Variants in KLHL3 observed in about 807,000 individuals in gnomAD.
The protein encoded by KLHL3 is kelch-like protein 3.
A neutral mutation model predicts 70.5 loss-of-function variants in KLHL3; 19 were observed. That is an observed-to-expected ratio of 0.27 (90% CI 0.19 to 0.40). KLHL3 has a LOEUF of 0.40. Among genes scored for constraint, KLHL3 ranks in the 10% least tolerant of loss-of-function variants. The pLI, the probability that KLHL3 is intolerant of heterozygous loss-of-function variation, is 1.00. For synonymous variants in KLHL3, 258 were observed against 290.3 expected, an observed-to-expected ratio of 0.89 and a Z score of 1.13; for missense variants, 512 against 771.1, an observed-to-expected ratio of 0.66 and a Z score of 3.98.
chr5:137,663,337 G>A (rs544075704), intron 6 of KLHL3, among the ~76,000 whole-genome samples: 17 of 151,826 alleles, frequency 1.1e-4, no homozygotes, highest in East Asian at 1.9e-4. Context: ...GATTACAAGC[G>A]TGAGCCACCA....
At chr5:137,652,881 C>T (rs548625743) in intron 8 of KLHL3, among the ~76,000 whole-genome samples, 1 of 152,026 alleles carries the variant, frequency 6.6e-6, no homozygotes, top group African/African-American at 2.4e-5. Context: ...TTAGCCATTC[C>T]ACAATGTATC....
Position 137,736,075 on chromosome 5 carries a change from T to C in KLHL3, c.-429A>G. 2 of 306,414 alleles carry C rather than the reference T, an allele frequency of 6.5e-6. No individual in the cohort carries two copies. Among genetic ancestry groups the C allele is most frequent in the Non-Finnish European group, 1.3e-5 (2 of 154,172 alleles). The allele number at this position is 306,414 out of a possible 1,614,324, so 19.0% of individuals were successfully genotyped here. A position where few individuals can be genotyped will look rare whatever the true frequency, so the allele number is the denominator to read the frequency against. On this transcript the variant is annotated 5_prime_UTR_variant, in exon 1 of 15. Coordinates refer to ENST00000309755, the MANE Select transcript of KLHL3 (RefSeq NM_017415.3). ...CCCTGGGGCTCCTGCCTCCTCTGTC[T>C]AGGCTGCAAAGAATCAGGCAGTTCG... is the stretch of plus-strand genomic sequence containing the variant.
At chr5:137,665,466 G>A (rs963959884) in intron 6 of KLHL3, among the ~76,000 whole-genome samples, 1 of 152,146 alleles carries the variant, frequency 6.6e-6, no homozygotes. Context: ...GCAATTTACT[G>A]TCAAATGATT....
At chr5:137,628,230 G>C (rs767002783) in intron 13 of KLHL3, 67 bp downstream of exon 13, 1 of 1,572,606 alleles carries the variant, frequency 6.4e-7, no homozygotes, top group Non-Finnish European at 8.7e-7. Flanking sequence ...CTGCTGTTTA[G>C]AGCCAGTGTC....
rs777609423 is a variant in KLHL3 at position 137,628,385 on chromosome 5, A to G, written c.1503T>C (p.Pro501=). 2 of 1,614,136 alleles carry G rather than the reference A, an allele frequency of 1.2e-6. No individual in the cohort carries two copies. Among genetic ancestry groups the G allele is most frequent in the East Asian group, 2.2e-5 (1 of 44,876 alleles). The part of the protein sequence containing the change: ...QLYATGGHDG[P]LVRKSVEVYD... ...AAACCTCAACGCTCTTCCTCACCAA[A>G]GGCCCATCATGCCCACCTGTGGCGT... Residue 501 remains proline, a synonymous_variant, in exon 13 of 15, where the codon CCT becomes CCC. Transcript: ENST00000309755.
intron 6 of KLHL3, among the ~76,000 whole-genome samples, chr5:137,669,096 G>T (rs1271529268): frequency 6.6e-6 from 1 of 152,080 alleles, no homozygotes; most frequent in African/African-American, 2.4e-5. Context: ...AAAGGAGAAA[G>T]TAAGGCAGAG....
At chr5:137,648,783 G>A (rs977628408) in intron 8 of KLHL3, among the ~76,000 whole-genome samples, 6 of 152,172 alleles carry the variant, frequency 3.9e-5, no homozygotes, top group African/African-American at 1.4e-4. Context: ...TGAATATAGT[G>A]CAGGTCTCTC....
intron 1 of KLHL3, among the ~76,000 whole-genome samples, chr5:137,731,714 T>C (rs1025301220): frequency 2.0e-4 from 31 of 152,250 alleles, no homozygotes; most frequent in African/African-American, 6.5e-4. Context: ...ATCTCTGTGC[T>C]TCTGATGAAG....
rs1751009081 is a variant in KLHL3 at position 137,645,029 on chromosome 5, G to A, written c.904-5052C>T. 2.6e-5 allele frequency among the ~76,000 whole-genome samples: 4 copies of A among 152,034 alleles called. No individual in the cohort carries two copies. The South Asian group carries it at 6.2e-4, about 24-fold the overall frequency. On this transcript the variant is annotated intron_variant, in intron 8 of 14. Coordinates refer to ENST00000309755, the MANE Select transcript of KLHL3 (RefSeq NM_017415.3). ...CAATATAACACAAATCAATAAAAAC[G>A]ATACGTCACATTAACAGAATCAAAG... is the stretch of plus-strand genomic sequence containing the variant.
intron 1 of KLHL3, among the ~76,000 whole-genome samples, chr5:137,732,430 G>C (rs1753193822): frequency 6.6e-6 from 1 of 150,632 alleles, no homozygotes; most frequent in African/African-American, 2.4e-5. Context: ...TCCAGCCCAT[G>C]GTTCCAACCA....
chr5:137,627,488 C>CCCCCCCCCG (rs58918247), intron 13 of KLHL3, among the ~76,000 whole-genome samples: 1 of 92,352 alleles, frequency 1.1e-5, no homozygotes, highest in Non-Finnish European at 2.2e-5. Context: ...CCCCCCCCCC[C>CCCCCCCCCG]GGTTTACACT....
At chr5:137,624,103 T>G (rs1438467654) in intron 14 of KLHL3, among the ~76,000 whole-genome samples, 1 of 152,270 alleles carries the variant, frequency 6.6e-6, no homozygotes, top group Admixed American at 6.5e-5. Context: ...ATTTCCCTCA[T>G]GTCAGACATT....
chr5:137,627,740 A>T (rs1750513280), intron 13 of KLHL3, among the ~76,000 whole-genome samples: 1 of 152,186 alleles, frequency 6.6e-6, no homozygotes, highest in Non-Finnish European at 1.5e-5. Flanking sequence ...AATACACTAC[A>T]GTAAATCTTT....
In KLHL3 at chr5:137,622,059, C is replaced by T. The variant is rs762735618; in HGVS notation, c.*39G>A. The T allele has an allele frequency of 7.6e-5, 123 of 1,612,808 alleles. 1 individual carries two copies. In the South Asian group the frequency reaches 1.3e-3, roughly 16 times the overall value. On this transcript the variant is annotated 3_prime_UTR_variant, in exon 15 of 15. Coordinates refer to ENST00000309755, the MANE Select transcript of KLHL3 (RefSeq NM_017415.3). Reference sequence around the variant, plus strand: ...CTGCTGTTCAGAGTCACAGGCAGCACCTGCTCCTTCCTCCACCTCCTGGCA... The same window carrying T: ...CTGCTGTTCAGAGTCACAGGCAGCATCTGCTCCTTCCTCCACCTCCTGGCA...
chr5:137,696,714 C>T (rs1028288721), intron 4 of KLHL3, among the ~76,000 whole-genome samples: 2 of 152,150 alleles, frequency 1.3e-5, no homozygotes, highest in African/African-American at 4.8e-5. Flanking sequence ...ACCACTTACT[C>T]TCTATGTGAC....
chr5:137,719,332 T>C (rs531005343), intron 2 of KLHL3, among the ~76,000 whole-genome samples: 5 of 152,360 alleles, frequency 3.3e-5, no homozygotes, highest in Middle Eastern at 3.4e-3. Context: ...GGTGAATCAA[T>C]AGAAGCTCCT....
At chr5:137,671,266 T>A (rs1751752309) in intron 6 of KLHL3, among the ~76,000 whole-genome samples, 1 of 152,124 alleles carries the variant, frequency 6.6e-6, no homozygotes, top group African/African-American at 2.4e-5. Flanking sequence ...TTTCCAAAAT[T>A]CTACCCTCAT....
In KLHL3 at chr5:137,720,512, G is replaced by T; in HGVS notation, c.87C>A (p.Asn29Lys). 1 of 1,614,144 alleles carries T rather than the reference G, an allele frequency of 6.2e-7. No individual in the cohort carries two copies. Among genetic ancestry groups the T allele is most frequent in the South Asian group, 1.1e-5 (1 of 91,082 alleles). ...TGAATGCTTTCCCCATGTGGGCAGG[G>T]TTGACAGTGATCGTCCTCTGGTTCT... Reference protein sequence around the residue: ...DEKNQRTITVNPAHMGKAFKV... With the variant: ...DEKNQRTITVKPAHMGKAFKV... The change falls in exon 2 of 15, where the codon AAC becomes AAA. Residue 29 changes from asparagine (N) to lysine (K), a missense_variant. By Grantham distance (94) the Asn-to-Lys change is moderately conservative. Transcript: ENST00000309755.
intron 2 of KLHL3, 67 bp downstream of exon 2, chr5:137,720,396 TTC>T: frequency 6.3e-7 from 1 of 1,591,262 alleles, no homozygotes; most frequent in Non-Finnish European, 8.6e-7. Flanking sequence ...CTGACTTCTG[TTC>T]TCAGTCCTTG....
Sources: allele counts gnomAD v4.1 joint callset (sites outside exome capture counted in the v4.1 genomes callset), GRCh38; gene constraint gnomAD v4.1.1; transcripts MANE v1.5; gene names NCBI Gene and HGNC (gene_info 2026-07-23, HGNC 2026-07-21).